Variants in ZRANB3 observed in about 807,000 individuals in gnomAD.
The protein encoded by ZRANB3 is zinc finger RANBP2-type containing 3.
Under a neutral mutation model 133.8 loss-of-function variants are expected in ZRANB3, and 125 were observed. That is an observed-to-expected ratio of 0.93 (90% confidence interval 0.81 to 1.08). The LOEUF (loss-of-function observed/expected upper bound fraction) is 1.08. Ranked by LOEUF, ZRANB3 falls within the 50% of genes least tolerant of loss-of-function variation. The pLI, the probability that ZRANB3 is intolerant of heterozygous loss-of-function variation, is 0.00. For missense variants in ZRANB3, 1,229 were observed against 1,275.5 expected (o/e 0.96, Z 0.56); for synonymous variants, 387 against 432.7 (o/e 0.89, Z 1.31).
intron 2 of ZRANB3, among the ~76,000 whole-genome samples, chr2:135,452,481 T>C (rs1690319345): frequency 6.6e-6 from 1 of 152,156 alleles, no homozygotes; most frequent in Non-Finnish European, 1.5e-5. Flanking sequence ...CAAAGTCTCA[T>C]CTGAGACAAG....
chr2:135,212,472 T>G (rs1694133121), intron 17 of ZRANB3, among the ~76,000 whole-genome samples: 1 of 152,194 alleles, frequency 6.6e-6, no homozygotes, highest in East Asian at 1.9e-4. Flanking sequence ...TGCTGAGAAA[T>G]CTAGTCAGAG....
chr2:135,293,484 G>A (rs1369559424), intron 8 of ZRANB3, among the ~76,000 whole-genome samples: 1 of 152,148 alleles, frequency 6.6e-6, no homozygotes, highest in Admixed American at 6.5e-5. Context: ...ATCAGCTTAA[G>A]GAGATTTTGG....
intron 2 of ZRANB3, among the ~76,000 whole-genome samples, chr2:135,402,060 T>G (rs953659069): frequency 5.9e-5 from 9 of 151,944 alleles, no homozygotes; most frequent in Non-Finnish European, 1.3e-4. Flanking sequence ...TCCTAAAAGC[T>G]ATAAGTATAT....
chr2:135,375,039 A>G (rs1169663318), intron 3 of ZRANB3, among the ~76,000 whole-genome samples: 3 of 152,204 alleles, frequency 2.0e-5, no homozygotes, highest in Admixed American at 6.5e-5. Context: ...AAGAAAAATG[A>G]TAATACCAAC....
Position 135,523,955 on chromosome 2 carries a change from A to G in ZRANB3, c.-8+7172T>C, listed in dbSNP as rs115783508. 2.9e-3 allele frequency among the ~76,000 whole-genome samples: 449 copies of G among 152,364 alleles called. 2 individuals are homozygous for G. The highest frequency in any genetic ancestry group is 0.01 in the African/African-American group (425 of 41,580). On this transcript the variant is annotated intron_variant, in intron 1 of 20. Transcript: ENST00000264159. ...AGTGGGATAAACAGTTTTAAGTTAC[A>G]GATAAGCATTTAGAAGTTATCAGGT...
intron 8 of ZRANB3, among the ~76,000 whole-genome samples, chr2:135,277,656 G>T: frequency 6.6e-6 from 1 of 152,128 alleles, no homozygotes; most frequent in East Asian, 1.9e-4. Context: ...CAGGTGCGGG[G>T]GCTCACGCCT....
chr2:135,228,318 T>G (rs986022030), intron 13 of ZRANB3: 6 of 206,694 alleles, frequency 2.9e-5, no homozygotes, highest in Admixed American at 5.6e-5. Context: ...TTTTGTTTTT[T>G]TTTTTTTTTC....
rs977066760 is a variant in ZRANB3, at chr2:135,338,947, T to C, written c.677+6603A>G. The stretch of plus-strand genomic sequence containing the variant: ...ATTGCTAGAATAAATGTATGGGCTT[T>C]TCAATGTTTGGTAGGTATAGTGAAA... On this transcript the variant is annotated intron_variant, in intron 6 of 20. Coordinates refer to ENST00000264159, the MANE Select transcript of ZRANB3 (RefSeq NM_032143.4). Among the ~76,000 whole-genome samples, 153 of 152,282 alleles carry C rather than the reference T, an allele frequency of 1.0e-3. 1 individual carries two copies. The highest frequency in any genetic ancestry group is 3.5e-3 in the African/African-American group (145 of 41,566).
chr2:135,390,727 T>G, intron 3 of ZRANB3, 75 bp downstream of exon 3: 1 of 1,538,332 alleles, frequency 6.5e-7, no homozygotes, highest in Non-Finnish European at 8.8e-7. Flanking sequence ...GGAGAAAGAG[T>G]ACATGGAAAA....
chr2:135,510,747 G>C, intron 1 of ZRANB3: 2 of 802,854 alleles, frequency 2.5e-6, no homozygotes, highest in Non-Finnish European at 4.6e-6. Flanking sequence ...CTCTGAACAT[G>C]ATGGGCCTGT....
Position 135,269,117 on chromosome 2 carries a change from G to A in ZRANB3, c.1231C>T (p.His411Tyr). Reference sequence around the variant, plus strand: ...CAGTACAACTCAGCAAATACAACATGACTTGCTGCAGTAAATGTTAATCCC... The same window carrying A: ...CAGTACAACTCAGCAAATACAACATAACTTGCTGCAGTAAATGTTAATCCC... ...GQGLTFTAAS[H>Y]VVFAELYWDP... is the part of the protein sequence containing the mutation. Residue 411 changes from histidine to tyrosine, a missense_variant, in exon 11 of 21, where the codon CAT becomes TAT. His to Tyr is a moderately conservative substitution (Grantham distance 83). Coordinates refer to ENST00000264159, the MANE Select transcript of ZRANB3 (RefSeq NM_032143.4). The A allele has an allele frequency of 1.2e-6, 2 of 1,602,808 alleles. No individual in the cohort carries two copies. The highest frequency in any genetic ancestry group is 1.7e-6 in the Non-Finnish European group (2 of 1,176,526).
Position 135,227,905 on chromosome 2 carries a change from G to A in ZRANB3, c.2065C>T (p.Leu689Phe). ...QTISDCEKQA[L>F]AQSEPGQLAD... is the part of the protein sequence containing the mutation. ...AACTGGCCAGGTTCTGACTGTGCAAGGGCTTGTTTTTCACAGTCTGAGATA... is the reference window on the plus strand; with the variant it reads ...AACTGGCCAGGTTCTGACTGTGCAAAGGCTTGTTTTTCACAGTCTGAGATA... Residue 689 changes from leucine (L) to phenylalanine (F), a missense_variant, in exon 14 of 21, where the codon CTT becomes TTT. Physicochemically the swap from Leu to Phe is conservative, Grantham distance 22. Transcript: ENST00000264159. 6.4e-7 allele frequency: 1 copy of A among 1,562,854 alleles called. No homozygotes were observed. Among genetic ancestry groups the A allele is most frequent in the Non-Finnish European group, 8.7e-7 (1 of 1,151,894 alleles).
At chr2:135,472,374 C>T (rs1466582403) in intron 2 of ZRANB3, among the ~76,000 whole-genome samples, 1 of 152,038 alleles carries the variant, frequency 6.6e-6, no homozygotes, top group African/African-American at 2.4e-5. Context: ...GCGGCATGTG[C>T]CTGTAGTCCC....
At chr2:135,449,725 A>G (rs562435677) in intron 2 of ZRANB3, among the ~76,000 whole-genome samples, 1 of 152,310 alleles carries the variant, frequency 6.6e-6, no homozygotes, top group Non-Finnish European at 1.5e-5. Flanking sequence ...TTTTATCCAT[A>G]TAACTATTTA....
At chr2:135,400,888 T>C (rs1490582712) in intron 2 of ZRANB3, among the ~76,000 whole-genome samples, 2 of 152,196 alleles carry the variant, frequency 1.3e-5, no homozygotes, top group African/African-American at 4.8e-5. Flanking sequence ...CGGACAGTAA[T>C]TTACAAACTT....
At chr2:135,475,536 CTT>C (rs1691467299) in intron 2 of ZRANB3, among the ~76,000 whole-genome samples, 1 of 152,172 alleles carries the variant, frequency 6.6e-6, no homozygotes, top group African/African-American at 2.4e-5. Flanking sequence ...TGGGCATACT[CTT>C]GACATGGATG....
intron 3 of ZRANB3, among the ~76,000 whole-genome samples, chr2:135,370,042 T>TC (rs1686104365): frequency 6.6e-6 from 1 of 151,206 alleles, no homozygotes; most frequent in Admixed American, 6.6e-5. Context: ...TCTTTTTTTT[T>TC]TTTTTTTTTT....
chr2:135,517,384 T>C (rs1693743340), intron 1 of ZRANB3, among the ~76,000 whole-genome samples: 1 of 152,134 alleles, frequency 6.6e-6, no homozygotes, highest in Non-Finnish European at 1.5e-5. Flanking sequence ...CTTTTTGTGC[T>C]GTTTTTTCCT....
At chr2:135,205,804 G>C (rs1693830509) in intron 19 of ZRANB3, among the ~76,000 whole-genome samples, 1 of 152,164 alleles carries the variant, frequency 6.6e-6, no homozygotes, top group Admixed American at 6.5e-5. Flanking sequence ...ACACATATAT[G>C]TGTGTGAGTG....
Sources: gnomAD v4.1 joint callset for allele counts (sites outside exome capture counted in the v4.1 genomes callset) on GRCh38, gnomAD v4.1.1 for gene constraint, MANE v1.5 for transcripts, NCBI Gene and HGNC (gene_info 2026-07-23, HGNC 2026-07-21) for gene names.